NEO1: variants seen among roughly 807,000 people sequenced by gnomAD.
The protein encoded by NEO1 is neogenin 1.
In NEO1, 63 loss-of-function variants were observed where a neutral mutation model predicts 159.7. That is an observed-to-expected ratio of 0.39 (90% CI 0.32 to 0.49). The LOEUF (loss-of-function observed/expected upper bound fraction) is 0.49. Ranked by LOEUF, NEO1 falls within the 20% of genes least tolerant of loss-of-function variation. NEO1 has a pLI of 0.85. For synonymous variants in NEO1, 633 were observed against 662.0 expected (o/e 0.96, Z 0.67); for missense variants, 1,615 against 1,831.0 (o/e 0.88, Z 2.15).
Position 73,253,389 on chromosome 15 carries a change from T to C in NEO1, c.1895-11T>C, listed in dbSNP as rs778402773. The C allele has an allele frequency of 2.9e-5, 45 of 1,546,534 alleles. 1 individual carries two copies. Among genetic ancestry groups the C allele is most frequent in the Non-Finnish European group, 3.7e-5 (43 of 1,150,054 alleles). ...AAAAAAAAAATTTTTTTTTTTTTTT[T>C]GTTTCTCTAGTTCCCAGTGCTGCTC... On this transcript the variant is annotated splice_polypyrimidine_tract_variant and intron_variant, in intron 11 of 28. Transcript: ENST00000261908.
At chr15:73,206,096 G>A (rs970425802) in intron 7 of NEO1, among the ~76,000 whole-genome samples, 2 of 151,956 alleles carry the variant, frequency 1.3e-5, no homozygotes, top group African/African-American at 2.4e-5. Flanking sequence ...TAGTAGAGAT[G>A]AGGTTTCACC....
intron 5 of NEO1, among the ~76,000 whole-genome samples, chr15:73,157,009 G>T (rs1175401029): frequency 6.6e-6 from 1 of 152,168 alleles, no homozygotes; most frequent in Non-Finnish European, 1.5e-5. Flanking sequence ...GTGTAAGTAG[G>T]ACTTACTTCC....
intron 13 of NEO1, among the ~76,000 whole-genome samples, chr15:73,256,466 C>T (rs1474664547): frequency 6.6e-6 from 1 of 152,166 alleles, no homozygotes; most frequent in Admixed American, 6.5e-5. Flanking sequence ...TGCCACTGCA[C>T]TCCAGCCTGG....
intron 7 of NEO1, among the ~76,000 whole-genome samples, chr15:73,192,445 C>T (rs2036285890): frequency 1.3e-5 from 2 of 151,888 alleles, no homozygotes; most frequent in South Asian, 4.1e-4. Context: ...GTTCTTGAAA[C>T]ATTGTAAATT....
intron 5 of NEO1, chr15:73,161,953 A>G (rs2034213160): frequency 9.6e-6 from 2 of 208,502 alleles, no homozygotes; most frequent in Non-Finnish European, 2.0e-5. Flanking sequence ...TTGGTGTTTT[A>G]GGAAGTTTGT....
At chr15:73,173,041 A>G (rs930532703) in intron 5 of NEO1, among the ~76,000 whole-genome samples, 1 of 152,218 alleles carries the variant, frequency 6.6e-6, no homozygotes, top group Non-Finnish European at 1.5e-5. Flanking sequence ...TAGAAGCTCA[A>G]TCCATATTAG....
rs533076676 is a variant in NEO1 at position 73,131,303 on chromosome 15, A to G, written c.879-4588A>G. Among the ~76,000 whole-genome samples, 7 of 152,374 alleles carry G rather than the reference A, an allele frequency of 4.6e-5. No homozygotes were observed. In the South Asian group the frequency reaches 1.2e-3, roughly 27 times the overall value. ...CATCATAGCATCACTTCAGTGAGCA[A>G]TTATAAACACATTTGAAGCAAATGA... On this transcript the variant is annotated intron_variant, in intron 4 of 28. Coordinates refer to ENST00000261908, the MANE Select transcript of NEO1 (RefSeq NM_002499.4).
At chr15:73,154,650 T>A (rs2033642895) in intron 5 of NEO1, among the ~76,000 whole-genome samples, 1 of 152,224 alleles carries the variant, frequency 6.6e-6, no homozygotes, top group South Asian at 2.1e-4. Context: ...TTCCATTATC[T>A]GATATGAGCG....
intron 1 of NEO1, among the ~76,000 whole-genome samples, chr15:73,113,482 C>T (rs1304499328): frequency 6.6e-6 from 1 of 152,096 alleles, no homozygotes; most frequent in Non-Finnish European, 1.5e-5. Context: ...CCCAAAGGAA[C>T]CTCAGAGAAC....
intron 7 of NEO1, among the ~76,000 whole-genome samples, chr15:73,220,675 A>G (rs2150751585): frequency 6.6e-6 from 1 of 151,390 alleles, no homozygotes; most frequent in East Asian, 1.9e-4. Context: ...CATTTCCTTC[A>G]TTTCATCTTC....
chr15:73,227,658 G>T (rs2038667886), intron 7 of NEO1, among the ~76,000 whole-genome samples: 1 of 152,224 alleles, frequency 6.6e-6, no homozygotes, highest in South Asian at 2.1e-4. Flanking sequence ...GGTCAGAGCG[G>T]ACAGCAATGC....
At chr15:73,272,307 G>T in intron 18 of NEO1, 148 bp from the exon 19 acceptor site, 1 of 577,658 alleles carries the variant, frequency 1.7e-6, no homozygotes. Context: ...TGGAACTTTT[G>T]ATAGACAAAC....
At chr15:73,074,479 G>A (rs2068677669) in intron 1 of NEO1, among the ~76,000 whole-genome samples, 1 of 152,102 alleles carries the variant, frequency 6.6e-6, no homozygotes, top group Non-Finnish European at 1.5e-5. Flanking sequence ...TCCTTTGCAT[G>A]TTTCTTTTTC....
intron 7 of NEO1, among the ~76,000 whole-genome samples, chr15:73,195,433 T>C (rs1234478521): frequency 6.6e-6 from 1 of 152,166 alleles, no homozygotes; most frequent in Non-Finnish European, 1.5e-5. Flanking sequence ...CATTTTAGGT[T>C]ATAGTGTTGT....
chr15:73,110,770 A>C (rs931942128), intron 1 of NEO1, among the ~76,000 whole-genome samples: 3 of 152,188 alleles, frequency 2.0e-5, no homozygotes, highest in African/African-American at 7.2e-5. Flanking sequence ...TGGCCATACT[A>C]AACCAAAATT....
Position 73,289,245 on chromosome 15 carries a change from A to G in NEO1, c.3742+7A>G, listed in dbSNP as rs773295100. ...GACTCCCAGCCACCCCAGCGTAAGT[A>G]GAAGCATCTCTTTTCCTCAGTGCTA... On this transcript the variant is annotated splice_region_variant and intron_variant, in intron 25 of 28. Coordinates refer to ENST00000261908, the MANE Select transcript of NEO1 (RefSeq NM_002499.4). 7 of 1,613,268 alleles carry G rather than the reference A, an allele frequency of 4.3e-6. No individual in the cohort carries two copies. The highest frequency in any genetic ancestry group is 5.9e-6 in the Non-Finnish European group (7 of 1,179,254).
intron 1 of NEO1, among the ~76,000 whole-genome samples, chr15:73,108,255 A>C (rs952235299): frequency 6.6e-6 from 1 of 152,192 alleles, no homozygotes; most frequent in African/African-American, 2.4e-5. Context: ...TGGTTAGAAC[A>C]TTAATGGTAC....
intron 4 of NEO1, among the ~76,000 whole-genome samples, chr15:73,127,186 G>A (rs963591080): frequency 6.7e-6 from 1 of 149,584 alleles, no homozygotes; most frequent in Non-Finnish European, 1.5e-5. Context: ...ACCTGAGATC[G>A]CGTCACTGCA....
intron 5 of NEO1, among the ~76,000 whole-genome samples, chr15:73,150,023 G>T (rs553406594): frequency 2.0e-5 from 3 of 152,150 alleles, no homozygotes; most frequent in African/African-American, 7.2e-5. Flanking sequence ...TTGATCTCTT[G>T]CCCAGCACAC....
Sources: gnomAD v4.1 joint callset for allele counts (sites outside exome capture counted in the v4.1 genomes callset) on GRCh38, gnomAD v4.1.1 for gene constraint, MANE v1.5 for transcripts, NCBI Gene and HGNC (gene_info 2026-07-23, HGNC 2026-07-21) for gene names.